The following NR3C2 variants were observed in gnomAD, a reference collection of about 807,000 sequenced individuals.
The protein encoded by NR3C2 is mineralocorticoid receptor.
NR3C2 carries 15 observed loss-of-function variants against 86.4 expected under a neutral mutation model. The observed-to-expected ratio is 0.17, with a 90% CI of 0.12 to 0.27. The LOEUF (loss-of-function observed/expected upper bound fraction) is 0.27. Ranked by LOEUF, NR3C2 falls within the 10% of genes least tolerant of loss-of-function variation. The pLI is 1.00. For synonymous variants in NR3C2, 458 were observed against 450.5 expected (o/e 1.02, Z -0.21); for missense variants, 960 against 1,195.6 (o/e 0.80, Z 2.91).
intron 8 of NR3C2, among the ~76,000 whole-genome samples, chr4:148,097,568 A>C (rs1445975609): frequency 2.6e-5 from 4 of 152,164 alleles, no homozygotes; most frequent in Admixed American, 2.6e-4. Context: ...GATACTGACC[A>C]TACAGACAGG....
At chr4:148,359,370 T>C (rs758278224) in intron 2 of NR3C2, among the ~76,000 whole-genome samples, 7 of 152,312 alleles carry the variant, frequency 4.6e-5, no homozygotes, top group African/African-American at 1.2e-4. Flanking sequence ...ATGTTCCTGA[T>C]AGAAGTTAGG....
intron 6 of NR3C2, chr4:148,146,610 T>C (rs1733882214): frequency 6.6e-6 from 1 of 152,270 alleles, no homozygotes; most frequent in East Asian, 1.9e-4. Context: ...TGTACTCGTC[T>C]AATGGAGCTG....
At chr4:148,123,745 T>G (rs1460058928) in intron 6 of NR3C2, among the ~76,000 whole-genome samples, 3 of 152,228 alleles carry the variant, frequency 2.0e-5, no homozygotes, top group Non-Finnish European at 4.4e-5. Flanking sequence ...TCTACTGGAT[T>G]TAGAAGCTAT....
At chr4:148,335,694 C>T (rs542460918) in intron 2 of NR3C2, among the ~76,000 whole-genome samples, 7 of 152,028 alleles carry the variant, frequency 4.6e-5, no homozygotes, top group African/African-American at 9.6e-5. Context: ...TGTACCCCCT[C>T]GAATGTTCTA....
chr4:148,317,593 G>A (rs535707689), intron 2 of NR3C2, among the ~76,000 whole-genome samples: 94 of 152,162 alleles, frequency 6.2e-4, no homozygotes, highest in Middle Eastern at 3.4e-3. Flanking sequence ...GAGGGAGTAT[G>A]AGAATTTGTA....
At chr4:148,117,037 GTT>G (rs1401257482) in intron 7 of NR3C2, among the ~76,000 whole-genome samples, 2 of 152,212 alleles carry the variant, frequency 1.3e-5, no homozygotes, top group Non-Finnish European at 2.9e-5. Context: ...TAGTTCCAAA[GTT>G]ATACTCCAGA....
chr4:148,247,930 G>C (rs1363647228), intron 3 of NR3C2, among the ~76,000 whole-genome samples: 1 of 151,964 alleles, frequency 6.6e-6, no homozygotes, highest in Non-Finnish European at 1.5e-5. Flanking sequence ...CTATAGCTCT[G>C]GTCTGTCAGA....
At chr4:148,199,308 G>A (rs530236995) in intron 3 of NR3C2, among the ~76,000 whole-genome samples, 23 of 152,012 alleles carry the variant, frequency 1.5e-4, no homozygotes, top group Admixed American at 5.2e-4. Flanking sequence ...GGATATGAGC[G>A]TGTTGAACTG....
At chr4:148,341,932 A>C (rs1225884708) in intron 2 of NR3C2, among the ~76,000 whole-genome samples, 4 of 152,186 alleles carry the variant, frequency 2.6e-5, no homozygotes, top group African/African-American at 4.8e-5. Context: ...TTTGCAACTT[A>C]GTCAAAAACA....
chr4:148,358,968 GCACACACA>G (rs4027011), intron 2 of NR3C2, among the ~76,000 whole-genome samples: 1 of 150,802 alleles, frequency 6.6e-6, no homozygotes, highest in Non-Finnish European at 1.5e-5. Context: ...TTACACACAC[GCACACACA>G]CACACACACA....
chr4:148,332,411 G>A (rs1282428615), intron 2 of NR3C2, among the ~76,000 whole-genome samples: 3 of 141,748 alleles, frequency 2.1e-5, no homozygotes, highest in African/African-American at 7.4e-5. Flanking sequence ...ATGTACAATC[G>A]ACTGGGAATG....
chr4:148,305,518 T>A (rs3857084), intron 2 of NR3C2, among the ~76,000 whole-genome samples: 30,658 of 149,650 alleles, frequency 0.2, 3,299 homozygotes, highest in Non-Finnish European at 0.22. Context: ...CCGGATCATT[T>A]TGCAAGGATC....
chr4:148,260,818 T>C (rs762732389), intron 2 of NR3C2, among the ~76,000 whole-genome samples: 8 of 152,316 alleles, frequency 5.3e-5, no homozygotes, highest in Non-Finnish European at 1.0e-4. Context: ...TAGGGACAAA[T>C]GTAACCCTTT....
At chr4:148,274,701 T>G in intron 2 of NR3C2, among the ~76,000 whole-genome samples, 1 of 129,390 alleles carries the variant, frequency 7.7e-6, no homozygotes, top group Non-Finnish European at 1.5e-5. Context: ...TCAGGTAGTT[T>G]TTTCTTTTTT....
chr4:148,435,053 T>G, intron 2 of NR3C2, 51 bp downstream of exon 2: 1 of 1,547,736 alleles, frequency 6.5e-7, no homozygotes, highest in Non-Finnish European at 8.9e-7. Flanking sequence ...ATGCTAACCT[T>G]CAACATGTAT....
At chr4:148,354,359 C>G (rs1745446196) in intron 2 of NR3C2, among the ~76,000 whole-genome samples, 1 of 151,988 alleles carries the variant, frequency 6.6e-6, no homozygotes, top group South Asian at 2.1e-4. Flanking sequence ...TTCTGGTCAA[C>G]AGCAGGATAT....
intron 2 of NR3C2, among the ~76,000 whole-genome samples, chr4:148,327,451 T>G (rs961041745): frequency 2.6e-5 from 4 of 152,150 alleles, no homozygotes; most frequent in Non-Finnish European, 5.9e-5. Context: ...AAAGAAACCC[T>G]AATCGGATCC....
In NR3C2 at chr4:148,143,700, C is replaced by T. The variant is rs548400698; in HGVS notation, c.2510+8769G>A. Among the ~76,000 whole-genome samples, 10 of 152,230 alleles carry T rather than the reference C, an allele frequency of 6.6e-5. No individual in the cohort carries two copies. The East Asian group carries it at 1.2e-3, about 18-fold the overall frequency. ...GTGGCTCATGCCTGTAATCCCAGCA[C>T]TTTGGGAGGCCGAGGCGGGTGGATC... On this transcript the variant is annotated intron_variant, in intron 6 of 8. Coordinates refer to ENST00000358102, the MANE Select transcript of NR3C2 (RefSeq NM_000901.5).
intron 2 of NR3C2, among the ~76,000 whole-genome samples, chr4:148,388,240 G>A (rs1747365988): frequency 6.6e-6 from 1 of 152,166 alleles, no homozygotes; most frequent in Non-Finnish European, 1.5e-5. Context: ...GACTGAACAT[G>A]CTACATCCAA....
Sources: allele counts gnomAD v4.1 joint callset (sites outside exome capture counted in the v4.1 genomes callset), GRCh38; gene constraint gnomAD v4.1.1; transcripts MANE v1.5; gene names NCBI Gene and HGNC (gene_info 2026-07-23, HGNC 2026-07-21).